COL17A1: variants seen among roughly 807,000 people sequenced by gnomAD.
The protein encoded by COL17A1 is collagen type XVII alpha 1 chain, also known as collagen alpha-1(XVII) chain.
COL17A1 carries 181 observed loss-of-function variants against 218.4 expected under a neutral mutation model. That is an observed-to-expected ratio of 0.83 (90% CI 0.73 to 0.94). The LOEUF (loss-of-function observed/expected upper bound fraction) is 0.94, where lower values mean the gene tolerates loss of function less well. Ranked by LOEUF, COL17A1 falls within the 40% of genes least tolerant of loss-of-function variation. COL17A1 has a pLI of 0.00. For synonymous variants in COL17A1, 721 were observed against 731.0 expected, an observed-to-expected ratio of 0.99 and a Z score of 0.22; for missense variants, 1,924 against 1,945.9, an observed-to-expected ratio of 0.99 and a Z score of 0.21.
intron 49 of COL17A1, 45 bp downstream of exon 49, chr10:104,035,429 C>T: frequency 6.2e-7 from 1 of 1,613,486 alleles, no homozygotes; most frequent in South Asian, 1.1e-5. Context: ...AGGGACTCTG[C>T]TTCCTCCCCA....
In COL17A1 at chr10:104,034,150, A is replaced by C; in HGVS notation, c.3951T>G (p.Gly1317=). 6.2e-7 allele frequency: 1 copy of C among 1,613,788 alleles called. No individual in the cohort carries two copies. The highest frequency in any genetic ancestry group is 8.5e-7 in the Non-Finnish European group (1 of 1,179,978). Residue 1317 remains glycine, a synonymous_variant, in exon 52 of 56, where the codon GGT becomes GGG. Coordinates refer to ENST00000648076, the MANE Select transcript of COL17A1 (RefSeq NM_000494.4). ...YSSSMSTGGG[G]AGSLGAGGAF... ...CACCGCCTGCACCCAGGGAGCCTGC[A>C]CCACCTCCTCCTGTGCTCATGGAAG...
intron 6 of COL17A1, among the ~76,000 whole-genome samples, chr10:104,073,679 G>T (rs1161602676): frequency 6.6e-6 from 1 of 152,052 alleles, no homozygotes; most frequent in Admixed American, 6.6e-5. Flanking sequence ...AATGATCCTG[G>T]CATCAATTCA....
At position 104,034,645 on chromosome 10, in the gene COL17A1, T is replaced by C. The variant is rs1329880585; in HGVS notation, c.3742A>G (p.Ser1248Gly). Residue 1248 changes from serine (S) to glycine (G), a missense_variant, in exon 51 of 56, where the codon AGC (serine) becomes GGC (glycine). Physicochemically the swap from Ser to Gly is moderately conservative, Grantham distance 56. Transcript: ENST00000648076. ...CTTGTGAGGTAGCTGATCAGCTCGC[T>C]CCGGAAGCTGTCGCTGTTTTCAGCT... Reference protein sequence around the residue: ...YAAENSDSFRSELISYLTSPD... With the variant: ...YAAENSDSFRGELISYLTSPD... The C allele has an allele frequency of 1.2e-6, 2 of 1,610,518 alleles. No homozygotes were observed. Among genetic ancestry groups the C allele is most frequent in the East Asian group, 4.5e-5 (2 of 44,710 alleles).
At chr10:104,077,193 G>C (rs1156988620) in intron 4 of COL17A1, among the ~76,000 whole-genome samples, 1 of 152,178 alleles carries the variant, frequency 6.6e-6, no homozygotes, top group Non-Finnish European at 1.5e-5. Flanking sequence ...GGCTTCAAAT[G>C]CTGATGATTT....
intron 1 of COL17A1, among the ~76,000 whole-genome samples, chr10:104,083,549 GA>G (rs995578673): frequency 1.6e-4 from 25 of 152,168 alleles, no homozygotes; most frequent in African/African-American, 4.8e-4. Context: ...TTCTAGGCAA[GA>G]AGACACAATT....
intron 28 of COL17A1, 21 bp downstream of exon 28, chr10:104,050,068 A>T (rs370505973): frequency 5.0e-6 from 8 of 1,614,026 alleles, no homozygotes; most frequent in Non-Finnish European, 6.8e-6. Flanking sequence ...AGATTAAAGT[A>T]GATTCCCATG....
intron 17 of COL17A1, among the ~76,000 whole-genome samples, chr10:104,056,348 C>T (rs1564679542): frequency 6.6e-6 from 1 of 151,978 alleles, no homozygotes; most frequent in South Asian, 2.1e-4. Context: ...TTTGGGAGGC[C>T]AAGGGGGGCA....
At position 104,036,566 on chromosome 10, in the gene COL17A1, C is replaced by G. The variant is rs961871409; in HGVS notation, c.3344G>C (p.Gly1115Ala). 1 of 1,614,022 alleles carries G rather than the reference C, an allele frequency of 6.2e-7. No individual in the cohort carries two copies. The change falls in exon 48 of 56, where the codon GGA becomes GCA. Residue 1115 changes from glycine to alanine, a missense_variant. By Grantham distance (60) the Gly-to-Ala change is moderately conservative. Transcript: ENST00000648076. ...CAGGAGGGACCCATCTCCACTGGCTCCTGGTGGCCCTGGCGGACCCCGAGG... is the reference window on the plus strand; with the variant it reads ...CAGGAGGGACCCATCTCCACTGGCTGCTGGTGGCCCTGGCGGACCCCGAGG... ...MGPRGPPGPP[G>A]ASGDGSLLSL...
intron 17 of COL17A1, among the ~76,000 whole-genome samples, chr10:104,056,417 C>G (rs2086527079): frequency 6.6e-6 from 1 of 152,134 alleles, no homozygotes; most frequent in South Asian, 2.1e-4. Flanking sequence ...CCCATCTCTA[C>G]TAAAAATACA....
At chr10:104,059,406 GC>G in intron 15 of COL17A1, 2 of 585,578 alleles carry the variant, frequency 3.4e-6, no homozygotes, top group Non-Finnish European at 6.1e-6. Flanking sequence ...GCAGAGGCAG[GC>G]TTTTGCTTCA....
chr10:104,037,106 C>T lies in COL17A1; in HGVS notation c.3216G>A (p.Gly1072=). 2 of 1,605,096 alleles carry T rather than the reference C, an allele frequency of 1.2e-6. No homozygotes were observed. The highest frequency in any genetic ancestry group is 1.7e-6 in the Non-Finnish European group (2 of 1,176,072). ...AGGACGAGAACAAGCTGACACCGTA[C>T]CCCGAAGCTGTCGGGAAGAAAACCT... The part of the protein sequence containing the change: ...SHVVSYLRTS[G]YGVSLFSSSI... Residue 1072 remains glycine, a synonymous_variant, in exon 47 of 56, where the codon GGG becomes GGA. Transcript: ENST00000648076.
Position 104,031,573 on chromosome 10 carries a change from T to C in COL17A1, c.*662A>G, listed in dbSNP as rs1844682982. On this transcript the variant is annotated 3_prime_UTR_variant, in exon 56 of 56. Transcript: ENST00000648076. ...CTCTGGCCTGGTTCAGTATAACATATCCATGAACTCTAGTATGGGCCTACG... is the reference window on the plus strand; with the variant it reads ...CTCTGGCCTGGTTCAGTATAACATACCCATGAACTCTAGTATGGGCCTACG... The C allele has an allele frequency of 6.5e-6, 1 of 152,968 alleles. No individual in the cohort carries two copies. Among genetic ancestry groups the C allele is most frequent in the South Asian group, 2.0e-4 (1 of 4,882 alleles). The allele number at this position is 152,968 out of a possible 1,614,324, so 9.5% of individuals were successfully genotyped here.
chr10:104,059,765 C>A (rs1489741534), intron 14 of COL17A1, 47 bp from the exon 15 acceptor site: 3 of 1,579,314 alleles, frequency 1.9e-6, no homozygotes, highest in Non-Finnish European at 2.6e-6. Context: ...TTCTCAACCT[C>A]TCAACTCTGT....
At chr10:104,033,040 C>T in intron 53 of COL17A1, 72 bp from the exon 54 acceptor site, 1 of 1,559,368 alleles carries the variant, frequency 6.4e-7, no homozygotes, top group Non-Finnish European at 8.7e-7. Context: ...GTCATTTGTT[C>T]AGAGTAACAC....
chr10:104,074,181 T>A lies in COL17A1; in HGVS notation c.379+3A>T. On this transcript the variant is annotated splice_donor_region_variant and intron_variant, in intron 6 of 55. Transcript: ENST00000648076. ...TTCTTTAGAAAATAAGGAGAGGACA[T>A]ACCAAATTCCTTCCGAGGGTACTCC... 1 of 1,614,196 alleles carries A rather than the reference T, an allele frequency of 6.2e-7. No homozygotes were observed. Among genetic ancestry groups the A allele is most frequent in the Non-Finnish European group, 8.5e-7 (1 of 1,180,022 alleles).
intron 6 of COL17A1, chr10:104,073,814 C>A (rs1176833397): frequency 3.3e-6 from 1 of 299,708 alleles, no homozygotes; most frequent in African/African-American, 2.2e-5. Flanking sequence ...GCCGGGATGC[C>A]TGGCATTTGT....
chr10:104,041,213 G>T, intron 38 of COL17A1, 90 bp downstream of exon 38: 1 of 1,604,762 alleles, frequency 6.2e-7, no homozygotes, highest in Non-Finnish European at 8.5e-7. Context: ...TTTCCTATAA[G>T]CCAGCCCAGA....
Position 104,043,569 on chromosome 10 carries a change from A to G in COL17A1, c.2447T>C (p.Met816Thr), listed in dbSNP as rs904155756. 5.0e-6 allele frequency: 8 copies of G among 1,614,002 alleles called. No homozygotes were observed. The highest frequency in any genetic ancestry group is 1.3e-5 in the African/African-American group (1 of 74,998). Residue 816 changes from methionine to threonine, a missense_variant, in exon 35 of 56, where the codon ATG becomes ACG. Physicochemically the swap from Met to Thr is moderately conservative, Grantham distance 81. Coordinates refer to ENST00000648076, the MANE Select transcript of COL17A1 (RefSeq NM_000494.4). Reference protein sequence around the residue: ...GKIVTSEGSSMLTVPGPPGPP... With the variant: ...GKIVTSEGSSTLTVPGPPGPP... ...TCCTGGGGGGCCTGGGACAGTGAGC[A>G]TCGATGACCCCTCTGAAAACAGAAG...
At chr10:104,068,267 G>A (rs1415818259) in intron 9 of COL17A1, among the ~76,000 whole-genome samples, 2 of 124,122 alleles carry the variant, frequency 1.6e-5, no homozygotes, top group East Asian at 4.9e-4. Flanking sequence ...AAGGAGAGGA[G>A]AATAAAGAGG....
Sources: gnomAD v4.1 joint callset for allele counts (sites outside exome capture counted in the v4.1 genomes callset) on GRCh38, gnomAD v4.1.1 for gene constraint, MANE v1.5 for transcripts, NCBI Gene and HGNC (gene_info 2026-07-23, HGNC 2026-07-21) for gene names.